The following PTPN4 variants were observed in gnomAD, a reference collection of about 807,000 sequenced individuals.
The protein encoded by PTPN4 is protein tyrosine phosphatase non-receptor type 4, also known as tyrosine-protein phosphatase non-receptor type 4.
Under a neutral mutation model 135.5 loss-of-function variants are expected in PTPN4, and 49 were observed. That is an observed-to-expected ratio of 0.36 (90% CI 0.29 to 0.46). PTPN4 has a LOEUF of 0.46. Ranked by LOEUF, PTPN4 falls within the 20% of genes least tolerant of loss-of-function variation. PTPN4 has a pLI of 1.00. For missense variants in PTPN4, 860 were observed against 1,101.0 expected (o/e 0.78, Z 3.10); for synonymous variants, 333 against 369.9 (o/e 0.90, Z 1.14).
rs1381451338 is a variant in PTPN4, at chr2:119,978,854, A to ATAAATAAT, written c.*1785_*1786insAAATAATT. ...TAATCTAAACGATGTCATTTCAGACATTCAAAACTCATAATAATAAATTTC... is the reference window on the plus strand; with the variant it reads ...TAATCTAAACGATGTCATTTCAGACATAAATAATTTCAAAACTCATAATAATAAATTTC... On this transcript the variant is annotated 3_prime_UTR_variant, in exon 27 of 27. Coordinates refer to ENST00000263708, the MANE Select transcript of PTPN4 (RefSeq NM_002830.4). The ATAAATAAT allele has an allele frequency of 1.3e-5, 2 of 152,110 alleles. No homozygotes were observed. Among genetic ancestry groups the ATAAATAAT allele is most frequent in the African/African-American group, 4.8e-5 (2 of 41,452 alleles). 9.4% of individuals were successfully genotyped at this position (152,110 alleles called of 1,614,324 possible).
chr2:119,912,989 G>A (rs72838989), intron 10 of PTPN4, among the ~76,000 whole-genome samples: 3,663 of 152,138 alleles, frequency 0.024, 64 homozygotes, highest in Non-Finnish European at 0.033. Flanking sequence ...ATCATGTACT[G>A]TGTGGTCTTT....
chr2:119,878,723 C>T (rs1678021642), intron 5 of PTPN4, among the ~76,000 whole-genome samples: 1 of 136,150 alleles, frequency 7.3e-6, no homozygotes, highest in African/African-American at 2.8e-5. Flanking sequence ...AATGGGAGAA[C>T]TCAGTAATGT....
chr2:119,937,438 C>A (rs939679352), intron 15 of PTPN4, among the ~76,000 whole-genome samples: 1 of 151,870 alleles, frequency 6.6e-6, no homozygotes, highest in Admixed American at 6.6e-5. Context: ...AATAAAGTTA[C>A]CATTTATAGG....
chr2:119,811,609 C>CT (rs1488281008), intron 2 of PTPN4, among the ~76,000 whole-genome samples: 3 of 152,056 alleles, frequency 2.0e-5, no homozygotes, highest in Non-Finnish European at 4.4e-5. Context: ...GAAAATAAGC[C>CT]TTTTTTCCTA....
In PTPN4 at chr2:119,984,220, A is replaced by G. The variant is rs1679733396; in HGVS notation, c.*7150A>G. 6.6e-6 allele frequency among the ~76,000 whole-genome samples: 1 copy of G among 152,176 alleles called. No individual in the cohort carries two copies. The highest frequency in any genetic ancestry group is 1.5e-5 in the Non-Finnish European group (1 of 68,032). On this transcript the variant is annotated 3_prime_UTR_variant, in exon 27 of 27. Transcript: ENST00000263708. ...AATTTTAGAACCGATAATTTACTATATCTGCATTATTGATATTTTTAAGTA... is the reference window on the plus strand; with the variant it reads ...AATTTTAGAACCGATAATTTACTATGTCTGCATTATTGATATTTTTAAGTA...
intron 15 of PTPN4, among the ~76,000 whole-genome samples, chr2:119,935,591 T>G (rs1330737651): frequency 6.6e-6 from 1 of 152,120 alleles, no homozygotes. Context: ...TGGTAAAACA[T>G]TTTGATTGTG....
At chr2:119,904,298 T>C (rs1406918018) in intron 10 of PTPN4, among the ~76,000 whole-genome samples, 1 of 151,780 alleles carries the variant, frequency 6.6e-6, no homozygotes, top group East Asian at 1.9e-4. Flanking sequence ...GCATCAACAA[T>C]AGACTAGATT....
At chr2:119,938,680 C>CA (rs1478349973) in intron 15 of PTPN4, among the ~76,000 whole-genome samples, 3 of 150,946 alleles carry the variant, frequency 2.0e-5, no homozygotes, top group African/African-American at 7.3e-5. Context: ...CATTTATAAC[C>CA]AAAAAAAGGG....
chr2:119,887,433 G>A (rs577190513), intron 9 of PTPN4, among the ~76,000 whole-genome samples: 5 of 152,282 alleles, frequency 3.3e-5, no homozygotes, highest in Middle Eastern at 3.4e-3. Context: ...GCTTCTGTAA[G>A]CTATGATCAT....
chr2:119,775,909 A>G (rs1006656971), intron 1 of PTPN4, among the ~76,000 whole-genome samples: 2 of 152,212 alleles, frequency 1.3e-5, no homozygotes, highest in Non-Finnish European at 2.9e-5. Flanking sequence ...AAGAAATTCA[A>G]GAGCTAATTA....
chr2:119,906,154 A>C (rs965546063), intron 10 of PTPN4, among the ~76,000 whole-genome samples: 1 of 152,182 alleles, frequency 6.6e-6, no homozygotes, highest in Non-Finnish European at 1.5e-5. Flanking sequence ...AATACAAAGG[A>C]TCAACAAATT....
chr2:119,771,409 T>C (rs1408147438), intron 1 of PTPN4: 1 of 152,222 alleles, frequency 6.6e-6, no homozygotes, highest in Non-Finnish European at 1.5e-5. Flanking sequence ...CTGTATCTGT[T>C]CTGCTCTGTC....
chr2:119,793,078 G>T (rs934718402), intron 1 of PTPN4, among the ~76,000 whole-genome samples: 4 of 152,174 alleles, frequency 2.6e-5, no homozygotes, highest in African/African-American at 9.7e-5. Context: ...GTGGAGAACT[G>T]GTCTGACTAG....
intron 1 of PTPN4, among the ~76,000 whole-genome samples, chr2:119,779,798 G>A (rs1205614211): frequency 6.6e-6 from 1 of 152,130 alleles, no homozygotes; most frequent in Non-Finnish European, 1.5e-5. Context: ...CAGGAGAAGG[G>A]CAGTGGTGTG....
chr2:119,866,700 A>G (rs1444883356), intron 3 of PTPN4, among the ~76,000 whole-genome samples: 1 of 152,108 alleles, frequency 6.6e-6, no homozygotes, highest in Non-Finnish European at 1.5e-5. Flanking sequence ...ATATAACTCA[A>G]TTCTTACATT....
intron 12 of PTPN4, among the ~76,000 whole-genome samples, chr2:119,923,697 A>G (rs1010455422): frequency 3.3e-5 from 5 of 152,298 alleles, no homozygotes; most frequent in Middle Eastern, 6.8e-3. Context: ...TATCAGGTAT[A>G]AAAAGTTATT....
At chr2:119,861,185 CT>C (rs1677755324) in intron 2 of PTPN4, among the ~76,000 whole-genome samples, 1 of 152,018 alleles carries the variant, frequency 6.6e-6, no homozygotes, top group Non-Finnish European at 1.5e-5. Context: ...AGGGATAGAA[CT>C]CCAGGGGCAG....
intron 26 of PTPN4, among the ~76,000 whole-genome samples, chr2:119,973,731 C>T (rs774485139): frequency 2.4e-4 from 27 of 111,590 alleles, no homozygotes; most frequent in Admixed American, 1.1e-3. Context: ...ATATTTCTGA[C>T]GGCGTGAATT....
intron 26 of PTPN4, among the ~76,000 whole-genome samples, chr2:119,976,019 G>A (rs1267698532): frequency 1.3e-4 from 19 of 144,170 alleles, no homozygotes; most frequent in African/African-American, 1.8e-4. Context: ...TTTTTGAGAC[G>A]GAGTCTCGTT....
Sources: allele counts gnomAD v4.1 joint callset (sites outside exome capture counted in the v4.1 genomes callset), GRCh38; gene constraint gnomAD v4.1.1; transcripts MANE v1.5; gene names NCBI Gene and HGNC (gene_info 2026-07-23, HGNC 2026-07-21).